NQO2: variants seen among roughly 807,000 people sequenced by gnomAD.
The protein encoded by NQO2 is ribosyldihydronicotinamide dehydrogenase [quinone].
Under a neutral mutation model 22.0 loss-of-function variants are expected in NQO2, and 18 were observed. That is an observed-to-expected ratio of 0.82 (90% CI 0.56 to 1.21). The LOEUF (loss-of-function observed/expected upper bound fraction) is 1.21. NQO2 is among the 50% of genes most tolerant of loss of function. The probability of loss-of-function intolerance (pLI) is 0.00; values close to 1 mark genes in which losing one functional copy is unlikely to be tolerated. For missense variants in NQO2, 267 were observed against 286.9 expected (o/e 0.93, Z 0.50); for synonymous variants, 106 against 110.8 (o/e 0.96, Z 0.28).
Position 3,015,502 on chromosome 6 carries a change from A to C in NQO2, c.304-28A>C, listed in dbSNP as rs759324254. ...GAAACCTGAGGCGAGCCGCAGCCTCAGTTTCTCTTTGGTGTTGCCGCCCAC... is the reference window on the plus strand; with the variant it reads ...GAAACCTGAGGCGAGCCGCAGCCTCCGTTTCTCTTTGGTGTTGCCGCCCAC... On this transcript the variant is annotated intron_variant, in intron 4 of 6. Transcript: ENST00000380455. The C allele has an allele frequency of 1.9e-6, 3 of 1,607,066 alleles. No individual in the cohort carries two copies. In the East Asian group the frequency reaches 6.7e-5, roughly 36 times the overall value.
chr6:3,017,734 C>T (rs958980371), intron 6 of NQO2, among the ~76,000 whole-genome samples: 6 of 152,028 alleles, frequency 3.9e-5, no homozygotes, highest in African/African-American at 9.7e-5. Context: ...GTCAGGGGCT[C>T]CAGGGAACCC....
intron 1 of NQO2, among the ~76,000 whole-genome samples, chr6:3,000,826 T>C (rs1756664093): frequency 6.6e-6 from 1 of 151,006 alleles, no homozygotes; most frequent in African/African-American, 2.4e-5. Context: ...CGTGAGCCAC[T>C]GCTCCCGGCC....
Position 3,015,537 on chromosome 6 carries a change from T to G in NQO2, c.311T>G (p.Leu104Arg), listed in dbSNP as rs761263944. 2 of 1,614,048 alleles carry G rather than the reference T, an allele frequency of 1.2e-6. No homozygotes were observed. The highest frequency in any genetic ancestry group is 1.7e-6 in the Non-Finnish European group (2 of 1,180,004). Reference protein sequence around the residue: ...EADLVIFQFPLYWFSVPAILK... With the variant: ...EADLVIFQFPRYWFSVPAILK... ...TGGTGTTGCCGCCCACAGTTCCCGCTGTACTGGTTCAGCGTGCCAGCCATC... is the reference window on the plus strand; with the variant it reads ...TGGTGTTGCCGCCCACAGTTCCCGCGGTACTGGTTCAGCGTGCCAGCCATC... The change falls in exon 5 of 7, where the codon CTG becomes CGG. Residue 104 changes from leucine to arginine, a missense_variant. Leu to Arg is a moderately radical substitution (Grantham distance 102). Coordinates refer to ENST00000380455, the MANE Select transcript of NQO2 (RefSeq NM_000904.6).
chr6:3,004,754 G>A (rs988848067), intron 1 of NQO2: 16 of 493,298 alleles, frequency 3.2e-5, no homozygotes, highest in African/African-American at 1.9e-4. Flanking sequence ...TGCGCGATGC[G>A]TGTCTTCACA....
chr6:3,012,705 C>A, intron 4 of NQO2, 31 bp downstream of exon 4: 1 of 1,597,394 alleles, frequency 6.3e-7, no homozygotes, highest in South Asian at 1.1e-5. Context: ...TATATTGAAT[C>A]AGATTCATCT....
In NQO2 at chr6:3,015,673, G is replaced by C. The variant is rs758270757; in HGVS notation, c.417+30G>C. 2.5e-6 allele frequency: 4 copies of C among 1,599,088 alleles called. No homozygotes were observed. In the African/African-American group the frequency reaches 4.0e-5, roughly 16 times the overall value. ...GTGCTCTTGGATAAGGATCACTATGGATAGTTGGAGGGAGGGGACAGAGGA... is the reference window on the plus strand; with the variant it reads ...GTGCTCTTGGATAAGGATCACTATGCATAGTTGGAGGGAGGGGACAGAGGA... On this transcript the variant is annotated intron_variant, in intron 5 of 6. Transcript: ENST00000380455.
intron 4 of NQO2, among the ~76,000 whole-genome samples, chr6:3,014,086 G>A (rs183082343): frequency 2.6e-5 from 4 of 152,294 alleles, no homozygotes; most frequent in Non-Finnish European, 4.4e-5. Context: ...GCATGAGTCC[G>A]CCATGTGAGG....
chr6:3,004,724 G>A lies in NQO2; in HGVS notation c.-85-1744G>A, dbSNP rs532433988. ...TGTAAAGACACACTGATAGGTTCAC[G>A]TTGTCGTTTGGACACAACATGCGCG... On this transcript the variant is annotated intron_variant, in intron 1 of 6. Coordinates refer to ENST00000380455, the MANE Select transcript of NQO2 (RefSeq NM_000904.6). 3.2e-5 allele frequency: 27 copies of A among 842,592 alleles called. No homozygotes were observed. The African/African-American group carries it at 3.5e-4, about 11-fold the overall frequency. The allele number at this position is 842,592 out of a possible 1,614,324, so 52.2% of individuals were successfully genotyped here.
intron 6 of NQO2, among the ~76,000 whole-genome samples, chr6:3,017,562 C>G (rs973660790): frequency 6.6e-5 from 10 of 152,232 alleles, no homozygotes; most frequent in Admixed American, 1.3e-4. Context: ...CAGGGGACCT[C>G]TTGGTGCCTG....
intron 2 of NQO2, among the ~76,000 whole-genome samples, chr6:3,007,806 G>A (rs1581323657): frequency 1.3e-5 from 2 of 152,220 alleles, no homozygotes; most frequent in Non-Finnish European, 2.9e-5. Context: ...GATTCCTCAT[G>A]TTTTGTTTAA....
chr6:3,014,030 C>T (rs1757239025), intron 4 of NQO2, among the ~76,000 whole-genome samples: 2 of 152,180 alleles, frequency 1.3e-5, no homozygotes, highest in Non-Finnish European at 2.9e-5. Flanking sequence ...TGTTTTCCAA[C>T]CCTGCTTGAG....
In NQO2 at chr6:3,010,199, G is replaced by A. The variant is rs202240219; in HGVS notation, c.172+10G>A. 41 of 1,583,562 alleles carry A rather than the reference G, an allele frequency of 2.6e-5. No homozygotes were observed. The Admixed American group carries it at 7.5e-4, about 29-fold the overall frequency. ...GACAAAGATATCACTGGTGAGTCATGGGATAAATGCTCTATTTATAAAAAC... is the reference window on the plus strand; with the variant it reads ...GACAAAGATATCACTGGTGAGTCATAGGATAAATGCTCTATTTATAAAAAC... On this transcript the variant is annotated intron_variant, in intron 3 of 6. Transcript: ENST00000380455.
intron 4 of NQO2, 120 bp downstream of exon 4, chr6:3,012,794 C>T: frequency 1.0e-6 from 1 of 969,036 alleles, no homozygotes; most frequent in South Asian, 1.7e-5. Flanking sequence ...CAGTTGCACA[C>T]TTACTGAGCA....
At chr6:3,009,989 G>C (rs755933739) in intron 2 of NQO2, 36 bp from the exon 3 acceptor site, 2 of 1,582,160 alleles carry the variant, frequency 1.3e-6, no homozygotes, top group Non-Finnish European at 1.7e-6. Flanking sequence ...GAGAGAGGTT[G>C]TTCTTCAAGA....
At chr6:3,016,833 T>C (rs776318217) in intron 5 of NQO2, 51 bp from the exon 6 acceptor site, 3 of 1,601,810 alleles carry the variant, frequency 1.9e-6, no homozygotes, top group Non-Finnish European at 2.6e-6. Context: ...TCAGCAACAT[T>C]TCTGTCCTCT....
intron 1 of NQO2, chr6:3,002,090 C>A: frequency 2.6e-6 from 1 of 383,712 alleles, no homozygotes; most frequent in Non-Finnish European, 3.6e-6. Context: ...TGCCACCAGC[C>A]ATATGATGTA....
chr6:3,009,335 CTCTT>C (rs1332097863), intron 2 of NQO2, among the ~76,000 whole-genome samples: 3 of 152,218 alleles, frequency 2.0e-5, no homozygotes, highest in Non-Finnish European at 4.4e-5. Context: ...AAGGTTATCT[CTCTT>C]GTTCCCTGAA....
intron 2 of NQO2, among the ~76,000 whole-genome samples, chr6:3,009,714 G>A (rs980344658): frequency 8.5e-5 from 13 of 152,092 alleles, no homozygotes; most frequent in East Asian, 1.9e-4. Context: ...TGCTCCATTC[G>A]GGGTCCCTGA....
intron 6 of NQO2, 155 bp from the exon 7 acceptor site, chr6:3,019,324 A>G (rs1757453622): frequency 1.0e-6 from 1 of 984,338 alleles, no homozygotes. Flanking sequence ...CTAAAGCCAT[A>G]GGGAAGTTTA....
Sources: gnomAD v4.1 joint callset for allele counts (sites outside exome capture counted in the v4.1 genomes callset) on GRCh38, gnomAD v4.1.1 for gene constraint, MANE v1.5 for transcripts, NCBI Gene and HGNC (gene_info 2026-07-23, HGNC 2026-07-21) for gene names.